The following NUDT3 variants were observed in gnomAD, a reference collection of about 807,000 sequenced individuals.
The protein encoded by NUDT3 is diphosphoinositol polyphosphate phosphohydrolase 1.
NUDT3 carries 9 observed loss-of-function variants against 23.6 expected under a neutral mutation model. The ratio of observed to expected loss-of-function variants is 0.38; its 90% CI spans 0.23 to 0.66. The LOEUF is 0.66. NUDT3 is among the 30% of genes least tolerant of loss of function. The pLI, the probability that NUDT3 is intolerant of heterozygous loss-of-function variation, is 0.52. For synonymous variants in NUDT3, 86 were observed against 82.6 expected, an observed-to-expected ratio of 1.04 and a Z score of -0.22; for missense variants, 172 against 218.5, an observed-to-expected ratio of 0.79 and a Z score of 1.34.
chr6:34,337,306 C>T (rs184560465), intron 2 of NUDT3, among the ~76,000 whole-genome samples: 21 of 152,308 alleles, frequency 1.4e-4, no homozygotes, highest in Admixed American at 2.6e-4. Flanking sequence ...GCAGGCAGAG[C>T]ATGCCTGCAG....
intron 1 of NUDT3, among the ~76,000 whole-genome samples, chr6:34,343,190 A>G (rs1581877754): frequency 1.3e-5 from 2 of 152,130 alleles, no homozygotes; most frequent in Admixed American, 6.6e-5. Context: ...ATACAATGTG[A>G]AATAATTTAA....
At chr6:34,307,215 G>A (rs558899238) in intron 2 of NUDT3, among the ~76,000 whole-genome samples, 6 of 152,040 alleles carry the variant, frequency 3.9e-5, no homozygotes, top group Admixed American at 6.6e-5. Flanking sequence ...CAAGACCAGC[G>A]TGGGCAACAT....
chr6:34,319,559 A>G (rs1055983351), intron 2 of NUDT3, among the ~76,000 whole-genome samples: 1 of 152,198 alleles, frequency 6.6e-6, no homozygotes, highest in Admixed American at 6.5e-5. Flanking sequence ...CCACGTGTTC[A>G]GTTACCCAGA....
intron 1 of NUDT3, among the ~76,000 whole-genome samples, chr6:34,361,289 T>A (rs1363145297): frequency 6.6e-6 from 1 of 152,186 alleles, no homozygotes; most frequent in Non-Finnish European, 1.5e-5. Context: ...TCACATCATA[T>A]GTCAACAGGG....
rs148688531 is a variant in NUDT3 at position 34,297,697 on chromosome 6, C to T, written c.211-2012G>A. On this transcript the variant is annotated intron_variant, in intron 2 of 4. Coordinates refer to ENST00000607016, the MANE Select transcript of NUDT3 (RefSeq NM_006703.4). ...GCACCACAGGTGTCCTACAGGTGCA[C>T]ATCACTACACCCGGCTAATGTAAAA... Among the ~76,000 whole-genome samples, 209 of 132,442 alleles carry T rather than the reference C, an allele frequency of 1.6e-3. 1 individual carries two copies. Among genetic ancestry groups the T allele is most frequent in the Non-Finnish European group, 2.6e-3 (166 of 63,696 alleles). The allele number at this position is 132,442 out of a possible 152,430, so 86.9% of individuals were successfully genotyped here. A position where few individuals can be genotyped will look rare whatever the true frequency, so the allele number is the denominator to read the frequency against.
At chr6:34,351,198 TAAAAAAA>T (rs71000051) in intron 1 of NUDT3, among the ~76,000 whole-genome samples, 846 of 17,868 alleles carry the variant, frequency 0.047, 60 homozygotes, top group African/African-American at 0.13. Context: ...CTCCCCTGCC[TAAAAAAA>T]AAAAAAAAAA....
chr6:34,318,234 ACTAACTTTTACAATTG>A (rs1763890238), intron 2 of NUDT3, among the ~76,000 whole-genome samples: 1 of 152,192 alleles, frequency 6.6e-6, no homozygotes, highest in African/African-American at 2.4e-5. Context: ...CACTTTAAAT[ACTAACTTTTACAATTG>A]CTCGATTGCT....
intron 2 of NUDT3, among the ~76,000 whole-genome samples, chr6:34,313,744 C>T (rs944105236): frequency 3.3e-5 from 5 of 151,288 alleles, no homozygotes; most frequent in South Asian, 2.1e-4. Flanking sequence ...GGGCAGATCA[C>T]GAGGTCAGGA....
chr6:34,388,574 CT>C (rs1765147069), intron 1 of NUDT3, among the ~76,000 whole-genome samples: 2 of 152,114 alleles, frequency 1.3e-5, no homozygotes. Flanking sequence ...AATTACTTCC[CT>C]TCCAACATAA....
intron 2 of NUDT3, among the ~76,000 whole-genome samples, chr6:34,305,526 T>C (rs1379235390): frequency 2.0e-5 from 3 of 152,210 alleles, no homozygotes; most frequent in Admixed American, 6.6e-5. Context: ...TTGTTGGTCA[T>C]TTCTATTTTT....
chr6:34,314,992 C>A (rs1763836808), intron 2 of NUDT3, among the ~76,000 whole-genome samples: 1 of 152,188 alleles, frequency 6.6e-6, no homozygotes, highest in Non-Finnish European at 1.5e-5. Flanking sequence ...ACGTATCAAC[C>A]TCCTGATCTC....
At position 34,325,566 on chromosome 6, in the gene NUDT3, G is replaced by A. The variant is rs1008606825; in HGVS notation, c.210+16296C>T. ...CTTCTTTTGCTGTATTTTTGTGTAT[G>A]AGTTTTCCTAGGAGGGCGGAATAAA... On this transcript the variant is annotated intron_variant, in intron 2 of 4. Coordinates refer to ENST00000607016, the MANE Select transcript of NUDT3 (RefSeq NM_006703.4). Among the ~76,000 whole-genome samples the A allele has an allele frequency of 2.0e-5, 3 of 152,068 alleles. No homozygotes were observed. The South Asian group carries it at 6.2e-4, about 32-fold the overall frequency.
intron 1 of NUDT3, among the ~76,000 whole-genome samples, chr6:34,367,840 T>C (rs948223286): frequency 5.9e-5 from 9 of 152,182 alleles, no homozygotes; most frequent in African/African-American, 1.9e-4. Flanking sequence ...AGCTGTGCCA[T>C]GGGCAAAACT....
At chr6:34,350,044 G>T (rs929928082) in intron 1 of NUDT3, among the ~76,000 whole-genome samples, 1 of 150,018 alleles carries the variant, frequency 6.7e-6, no homozygotes, top group South Asian at 2.1e-4. Context: ...AGCCGAGATC[G>T]CGCCACTGCA....
chr6:34,336,103 T>C (rs1764205085), intron 2 of NUDT3, among the ~76,000 whole-genome samples: 2 of 152,074 alleles, frequency 1.3e-5, no homozygotes, highest in South Asian at 2.1e-4. Flanking sequence ...ACCCCGTCTC[T>C]ACTAAAAATA....
chr6:34,301,602 CTG>C (rs1156969179), intron 2 of NUDT3, among the ~76,000 whole-genome samples: 1 of 152,252 alleles, frequency 6.6e-6, no homozygotes, highest in African/African-American at 2.4e-5. Context: ...AACCTCCAAA[CTG>C]TGTGAGAGCA....
intron 4 of NUDT3, among the ~76,000 whole-genome samples, chr6:34,293,049 G>T (rs1253077872): frequency 1.3e-5 from 2 of 152,016 alleles, no homozygotes; most frequent in Non-Finnish European, 2.9e-5. Flanking sequence ...TCTTTATCCA[G>T]CTCTTGTTGT....
rs576434468 is a variant in NUDT3, at chr6:34,326,598, CT to C, written c.210+15263del. 3.2e-3 allele frequency among the ~76,000 whole-genome samples: 468 copies of C among 146,804 alleles called. 1 individual carries two copies. The highest frequency in any genetic ancestry group is 0.01 in the African/African-American group (407 of 40,198). ...CAGAAGATCTTACATGATAATCCAG[CT>C]TTTTTTTTTTCTTTTTTTTGACACG... On this transcript the variant is annotated intron_variant, in intron 2 of 4. Coordinates refer to ENST00000607016, the MANE Select transcript of NUDT3 (RefSeq NM_006703.4).
intron 2 of NUDT3, among the ~76,000 whole-genome samples, chr6:34,324,779 T>C (rs1357371980): frequency 6.6e-6 from 1 of 152,180 alleles, no homozygotes; most frequent in Non-Finnish European, 1.5e-5. Flanking sequence ...TAAGGATGAC[T>C]CTAGAAGTAA....
Sources: gnomAD v4.1 joint callset for allele counts (sites outside exome capture counted in the v4.1 genomes callset) on GRCh38, gnomAD v4.1.1 for gene constraint, MANE v1.5 for transcripts, NCBI Gene and HGNC (gene_info 2026-07-23, HGNC 2026-07-21) for gene names.